Variants in CNTNAP2 observed in about 807,000 individuals in gnomAD.
CNTNAP2 encodes the protein contactin associated protein 2.
In CNTNAP2, 98 loss-of-function variants were observed where a neutral mutation model predicts 155.2. That is an observed-to-expected ratio of 0.63 (90% CI 0.54 to 0.75). CNTNAP2 has a LOEUF of 0.75. CNTNAP2 is among the 30% of genes least tolerant of loss of function. CNTNAP2 has a pLI of 0.00. For missense variants in CNTNAP2, 1,727 were observed against 1,688.1 expected (o/e 1.02, Z -0.40); for synonymous variants, 651 against 631.2 (o/e 1.03, Z -0.47).
chr7:147,285,009 G>C (rs1239048214), intron 8 of CNTNAP2, among the ~76,000 whole-genome samples: 1 of 151,778 alleles, frequency 6.6e-6, no homozygotes, highest in Non-Finnish European at 1.5e-5. Context: ...TCTGCAGCCT[G>C]GGTGCATCCT....
At position 146,563,194 on chromosome 7, in the gene CNTNAP2, C is replaced by A. The variant is rs981628613; in HGVS notation, c.98-211077C>A. ...TCTGTCACAGCCAAATGTTTTGTTT[C>A]GTTGTTGTTCCTTAAATATGACCAA... On this transcript the variant is annotated intron_variant, in intron 1 of 23. Coordinates refer to ENST00000361727, the MANE Select transcript of CNTNAP2 (RefSeq NM_014141.6). Among the ~76,000 whole-genome samples, 15 of 152,280 alleles carry A rather than the reference C, an allele frequency of 9.9e-5. No homozygotes were observed. The South Asian group carries it at 2.9e-3, about 29-fold the overall frequency.
chr7:147,955,583 G>A (rs959952244), intron 14 of CNTNAP2, among the ~76,000 whole-genome samples: 15 of 152,126 alleles, frequency 9.9e-5, no homozygotes, highest in African/African-American at 3.1e-4. Flanking sequence ...GCCACATTTA[G>A]AGAATTTCAG....
intron 8 of CNTNAP2, among the ~76,000 whole-genome samples, chr7:147,142,885 G>C (rs1003434086): frequency 1.3e-5 from 2 of 152,004 alleles, no homozygotes; most frequent in African/African-American, 2.4e-5. Context: ...TCCCTGACAA[G>C]GATTTCCTTC....
Position 146,419,648 on chromosome 7 carries a change from G to A in CNTNAP2, c.97+302675G>A, listed in dbSNP as rs183636739. 1.4e-4 allele frequency among the ~76,000 whole-genome samples: 21 copies of A among 152,164 alleles called. No individual in the cohort carries two copies. In the East Asian group the frequency reaches 3.7e-3, roughly 27 times the overall value. ...TTTTTCAAAAGAAGACCTACAAATG[G>A]CAAAGATATGAAAAGGTGCTTAACA... is the stretch of plus-strand genomic sequence containing the variant. On this transcript the variant is annotated intron_variant, in intron 1 of 23. Coordinates refer to ENST00000361727, the MANE Select transcript of CNTNAP2 (RefSeq NM_014141.6).
chr7:146,566,893 AT>A (rs1798365750), intron 1 of CNTNAP2, among the ~76,000 whole-genome samples: 1 of 152,126 alleles, frequency 6.6e-6, no homozygotes, highest in African/African-American at 2.4e-5. Context: ...TAAAAGAAAA[AT>A]ATCCATCCTC....
chr7:147,889,938 T>C (rs1200570936), intron 13 of CNTNAP2, among the ~76,000 whole-genome samples: 1 of 152,230 alleles, frequency 6.6e-6, no homozygotes, highest in African/African-American at 2.4e-5. Context: ...ACAGACTCGA[T>C]TCTTTAAAAT....
At chr7:147,167,152 G>A (rs2220973) in intron 8 of CNTNAP2, among the ~76,000 whole-genome samples, 11,741 of 152,044 alleles carry the variant, frequency 0.077, 570 homozygotes, top group Middle Eastern at 0.12. Flanking sequence ...TAATATCATT[G>A]ATTCTTGTTA....
At chr7:147,495,358 C>G (rs912557220) in intron 11 of CNTNAP2, among the ~76,000 whole-genome samples, 1 of 152,140 alleles carries the variant, frequency 6.6e-6, no homozygotes, top group Non-Finnish European at 1.5e-5. Flanking sequence ...TGGTGTAAAC[C>G]TTGGTAGCTT....
At chr7:147,488,546 AT>A (rs34680301) in intron 11 of CNTNAP2, among the ~76,000 whole-genome samples, 206 of 140,666 alleles carry the variant, frequency 1.5e-3, no homozygotes, top group East Asian at 8.5e-3. Flanking sequence ...TTTAAATAGT[AT>A]TTTTTTTTAA....
intron 1 of CNTNAP2, among the ~76,000 whole-genome samples, chr7:146,686,526 A>T (rs536746652): frequency 6.6e-6 from 1 of 152,242 alleles, no homozygotes; most frequent in African/African-American, 2.4e-5. Flanking sequence ...CTCCTCTCCT[A>T]GGGACTGTAT....
chr7:146,753,272 A>T (rs13247148), intron 1 of CNTNAP2, among the ~76,000 whole-genome samples: 8,451 of 152,130 alleles, frequency 0.056, 331 homozygotes, highest in Non-Finnish European at 0.078. Context: ...TCAGGAAAAA[A>T]AATAGACCAG....
intron 4 of CNTNAP2, among the ~76,000 whole-genome samples, chr7:147,086,559 C>T (rs1800284017): frequency 1.3e-5 from 2 of 152,000 alleles, no homozygotes; most frequent in Non-Finnish European, 2.9e-5. Context: ...CCTCAGCCTC[C>T]TAAGTAGCTG....
chr7:146,676,150 T>C lies in CNTNAP2; in HGVS notation c.98-98121T>C, dbSNP rs574684562. Among the ~76,000 whole-genome samples the C allele has an allele frequency of 2.6e-5, 4 of 152,326 alleles. No individual in the cohort carries two copies. The East Asian group carries it at 7.7e-4, about 29-fold the overall frequency. On this transcript the variant is annotated intron_variant, in intron 1 of 23. Transcript: ENST00000361727. ...AGAAACATTCTTCATAAATATGAAA[T>C]GTATATCATAAATCAGTTTGTTTAT... is the stretch of plus-strand genomic sequence containing the variant.
chr7:148,046,939 T>C (rs1361252116), intron 15 of CNTNAP2, among the ~76,000 whole-genome samples: 4 of 152,200 alleles, frequency 2.6e-5, no homozygotes, highest in Admixed American at 6.5e-5. Flanking sequence ...AAAATGATTA[T>C]ACTAATCATC....
chr7:147,732,481 G>C (rs1308510428), intron 13 of CNTNAP2, among the ~76,000 whole-genome samples: 2 of 151,298 alleles, frequency 1.3e-5, no homozygotes, highest in South Asian at 4.2e-4. Flanking sequence ...ATTGTGAATA[G>C]TGCCACAATA....
At chr7:146,525,668 A>G (rs1018889628) in intron 1 of CNTNAP2, among the ~76,000 whole-genome samples, 14 of 152,090 alleles carry the variant, frequency 9.2e-5, no homozygotes, top group Non-Finnish European at 1.9e-4. Context: ...TATGTGCTTC[A>G]GTGACACTGT....
chr7:148,357,382 G>T (rs1021580196), intron 21 of CNTNAP2, among the ~76,000 whole-genome samples: 9 of 152,100 alleles, frequency 5.9e-5, no homozygotes, highest in Non-Finnish European at 1.0e-4. Flanking sequence ...ACCCAGTCTT[G>T]GTTATGTCTT....
At chr7:148,163,960 A>G (rs1406202972) in intron 17 of CNTNAP2, among the ~76,000 whole-genome samples, 2 of 152,164 alleles carry the variant, frequency 1.3e-5, no homozygotes, top group African/African-American at 4.8e-5. Flanking sequence ...TTTGAGACAC[A>G]GTCTTGTTCT....
intron 3 of CNTNAP2, among the ~76,000 whole-genome samples, chr7:146,932,650 C>A (rs1791054811): frequency 1.3e-5 from 2 of 152,050 alleles, no homozygotes; most frequent in Middle Eastern, 3.2e-3. Context: ...TCAAATTGTC[C>A]CTGCTTGCAG....
Sources: allele counts gnomAD v4.1 joint callset (sites outside exome capture counted in the v4.1 genomes callset), GRCh38; gene constraint gnomAD v4.1.1; transcripts MANE v1.5; gene names NCBI Gene and HGNC (gene_info 2026-07-23, HGNC 2026-07-21).